FAM135B: variants seen among roughly 807,000 people sequenced by gnomAD.
FAM135B encodes protein FAM135B.
FAM135B carries 43 observed loss-of-function variants against 127.7 expected under a neutral mutation model. The ratio of observed to expected loss-of-function variants is 0.34; its 90% confidence interval spans 0.26 to 0.43. The LOEUF (loss-of-function observed/expected upper bound fraction) is 0.43, where lower values mean the gene tolerates loss of function less well. FAM135B is among the 20% of genes least tolerant of loss of function. The pLI is 1.00. For synonymous variants in FAM135B, 670 were observed against 665.1 expected, an observed-to-expected ratio of 1.01 and a Z score of -0.11; for missense variants, 1,558 against 1,725.6, an observed-to-expected ratio of 0.90 and a Z score of 1.72.
intron 3 of FAM135B, among the ~76,000 whole-genome samples, chr8:138,287,762 T>C (rs1164495670): frequency 6.6e-6 from 1 of 152,162 alleles, no homozygotes; most frequent in Non-Finnish European, 1.5e-5. Flanking sequence ...TCAGCTCTTG[T>C]GAGTAACACA....
intron 2 of FAM135B, among the ~76,000 whole-genome samples, chr8:138,340,999 T>A (rs1274334083): frequency 6.6e-6 from 1 of 152,214 alleles, no homozygotes; most frequent in East Asian, 1.9e-4. Context: ...TGTCTAGTAC[T>A]CCCTGTTCCC....
At chr8:138,277,806 G>A (rs921684115) in intron 3 of FAM135B, among the ~76,000 whole-genome samples, 2 of 152,158 alleles carry the variant, frequency 1.3e-5, no homozygotes, top group African/African-American at 4.8e-5. Flanking sequence ...CACTCGGCAG[G>A]CAGAAGATGC....
intron 1 of FAM135B, among the ~76,000 whole-genome samples, chr8:138,407,761 G>C (rs1436583806): frequency 1.3e-5 from 2 of 152,124 alleles, no homozygotes; most frequent in African/African-American, 2.4e-5. Context: ...ATTAATTCAA[G>C]ATGGATTAAA....
At chr8:138,160,437 G>A (rs191111226) in intron 12 of FAM135B, among the ~76,000 whole-genome samples, 2 of 151,988 alleles carry the variant, frequency 1.3e-5, no homozygotes, top group Admixed American at 6.6e-5. Flanking sequence ...GGCACAGGCT[G>A]GAGTGCAGTG....
intron 3 of FAM135B, among the ~76,000 whole-genome samples, chr8:138,281,634 A>G (rs941784258): frequency 6.6e-6 from 1 of 151,808 alleles, no homozygotes; most frequent in Non-Finnish European, 1.5e-5. Flanking sequence ...AAGCTTCACT[A>G]TTTTTCCTCT....
intron 1 of FAM135B, among the ~76,000 whole-genome samples, chr8:138,370,097 G>T (rs1007720064): frequency 6.6e-6 from 1 of 152,214 alleles, no homozygotes; most frequent in East Asian, 1.9e-4. Context: ...GAGCCACACA[G>T]ACAGTGGTGC....
chr8:138,287,316 A>T (rs1824766233), intron 3 of FAM135B, among the ~76,000 whole-genome samples: 1 of 152,174 alleles, frequency 6.6e-6, no homozygotes, highest in African/African-American at 2.4e-5. Context: ...CAACCTCCTT[A>T]GTAATTAGGG....
intron 1 of FAM135B, among the ~76,000 whole-genome samples, chr8:138,406,109 A>G (rs968143054): frequency 1.7e-4 from 25 of 147,342 alleles, no homozygotes; most frequent in South Asian, 2.2e-4. Context: ...TAGATTCTGG[A>G]TATCAGCCCT....
chr8:138,452,563 C>A (rs1381228859), intron 1 of FAM135B, among the ~76,000 whole-genome samples: 4 of 151,930 alleles, frequency 2.6e-5, no homozygotes, highest in African/African-American at 9.7e-5. Flanking sequence ...CCTTCTGTGT[C>A]TTTTCCACTA....
intron 1 of FAM135B, among the ~76,000 whole-genome samples, chr8:138,413,450 C>T (rs1328382513): frequency 1.3e-5 from 2 of 152,180 alleles, no homozygotes; most frequent in African/African-American, 4.8e-5. Flanking sequence ...AAAAACCTCC[C>T]TTTGGACGAA....
chr8:138,474,837 T>C (rs1814310855), intron 1 of FAM135B, among the ~76,000 whole-genome samples: 1 of 152,148 alleles, frequency 6.6e-6, no homozygotes, highest in African/African-American at 2.4e-5. Flanking sequence ...CCCTCTCTAT[T>C]CCCAGTGTGC....
chr8:138,384,824 C>T (rs1344581239), intron 1 of FAM135B, among the ~76,000 whole-genome samples: 2 of 152,082 alleles, frequency 1.3e-5, no homozygotes, highest in Non-Finnish European at 2.9e-5. Context: ...GGACACAAGC[C>T]CCCACACTGC....
At chr8:138,428,198 T>C (rs1185379527) in intron 1 of FAM135B, among the ~76,000 whole-genome samples, 1 of 152,172 alleles carries the variant, frequency 6.6e-6, no homozygotes, top group Non-Finnish European at 1.5e-5. Flanking sequence ...ACTATGGGAA[T>C]TGGGCATTGT....
At chr8:138,191,292 C>T (rs1306821229) in intron 9 of FAM135B, among the ~76,000 whole-genome samples, 1 of 152,212 alleles carries the variant, frequency 6.6e-6, no homozygotes, top group Non-Finnish European at 1.5e-5. Context: ...GGGCAGAAGC[C>T]TTCACCCACT....
Position 138,242,507 on chromosome 8 carries a change from C to T in FAM135B, c.669+435G>A, listed in dbSNP as rs1365084191. Among the ~76,000 whole-genome samples the T allele has an allele frequency of 6.6e-6, 1 of 152,042 alleles. No homozygotes were observed. The highest frequency in any genetic ancestry group is 2.4e-5 in the African/African-American group (1 of 41,376). On this transcript the variant is annotated intron_variant, in intron 7 of 19. Transcript: ENST00000395297. The surrounding 1 kb of genome is among the most constrained non-coding windows in gnomAD (Gnocchi z 9.6). ...TATTACAACATTTGGGTACATATAA[C>T]ACTCCATGAGATTATTAGCTATTGG... is the stretch of plus-strand genomic sequence containing the variant.
intron 7 of FAM135B, among the ~76,000 whole-genome samples, chr8:138,219,001 T>C (rs923572681): frequency 1.3e-5 from 2 of 152,172 alleles, no homozygotes; most frequent in African/African-American, 4.8e-5. Flanking sequence ...CATTTGCAGG[T>C]GATGATAAAT....
At chr8:138,325,618 C>T (rs1197654440) in intron 2 of FAM135B, among the ~76,000 whole-genome samples, 2 of 152,200 alleles carry the variant, frequency 1.3e-5, no homozygotes, top group Admixed American at 1.3e-4. Context: ...TAATTAAGCT[C>T]TTACAAGCTG....
At chr8:138,364,793 A>T (rs1203338696) in intron 2 of FAM135B, among the ~76,000 whole-genome samples, 2 of 152,208 alleles carry the variant, frequency 1.3e-5, no homozygotes, top group Admixed American at 6.5e-5. Context: ...AGAGAGAAGG[A>T]TATAATAATC....
At chr8:138,444,835 A>G (rs918887788) in intron 1 of FAM135B, among the ~76,000 whole-genome samples, 3 of 152,122 alleles carry the variant, frequency 2.0e-5, no homozygotes, top group African/African-American at 7.2e-5. Context: ...GACACAAAAA[A>G]CCCTTCAAAA....
Sources: gnomAD v4.1 joint callset for allele counts (sites outside exome capture counted in the v4.1 genomes callset) on GRCh38, gnomAD v4.1.1 for gene constraint, Gnocchi (gnomAD v3.1) non-coding constraint, MANE v1.5 for transcripts, NCBI Gene and HGNC (gene_info 2026-07-23, HGNC 2026-07-21) for gene names.